The following CSMD1 variants were observed in gnomAD, a reference collection of about 807,000 sequenced individuals.
CSMD1 encodes the protein CUB and sushi domain-containing protein 1.
Under a neutral mutation model 417.5 loss-of-function variants are expected in CSMD1, and 213 were observed. The observed-to-expected ratio is 0.51, with a 90% confidence interval of 0.46 to 0.57. The LOEUF is 0.57. CSMD1 is among the 20% of genes least tolerant of loss of function. The probability of loss-of-function intolerance (pLI) is 0.00; values close to 1 mark genes in which losing one functional copy is unlikely to be tolerated. For missense variants in CSMD1, 6,923 were observed against 4,529.7 expected (o/e 1.53, Z -15.17); for synonymous variants, 2,862 against 1,736.8 (o/e 1.65, Z -16.11).
intron 9 of CSMD1, among the ~76,000 whole-genome samples, chr8:3,583,026 A>G (rs1028468100): frequency 6.6e-6 from 1 of 152,146 alleles, no homozygotes; most frequent in East Asian, 1.9e-4. Context: ...GGAAGTCTTC[A>G]AAGAGGGCTT....
chr8:3,378,613 T>C (rs1055600279), intron 18 of CSMD1, among the ~76,000 whole-genome samples: 1 of 152,164 alleles, frequency 6.6e-6, no homozygotes, highest in African/African-American at 2.4e-5. Context: ...TCAATAAACG[T>C]AATCCATCAC....
chr8:3,361,075 T>C (rs1374076409), intron 20 of CSMD1, among the ~76,000 whole-genome samples: 1 of 152,202 alleles, frequency 6.6e-6, no homozygotes, highest in Non-Finnish European at 1.5e-5. Flanking sequence ...CTAACATTGA[T>C]AACCTTGAGA....
intron 3 of CSMD1, among the ~76,000 whole-genome samples, chr8:4,275,172 T>G (rs923667487): frequency 2.6e-5 from 4 of 152,184 alleles, no homozygotes; most frequent in African/African-American, 9.6e-5. Flanking sequence ...TTACATTTTC[T>G]GGGGTTTTTT....
At chr8:3,140,463 T>C (rs768526090) in intron 41 of CSMD1, among the ~76,000 whole-genome samples, 1 of 152,166 alleles carries the variant, frequency 6.6e-6, no homozygotes, top group African/African-American at 2.4e-5. Context: ...GAGTGTTTCA[T>C]AGAAAAATGC....
At chr8:3,768,950 G>C (rs1329496520) in intron 5 of CSMD1, among the ~76,000 whole-genome samples, 1 of 152,224 alleles carries the variant, frequency 6.6e-6, no homozygotes, top group East Asian at 1.9e-4. Context: ...TGTTCCGATG[G>C]AAGGTGAATG....
At chr8:4,425,807 A>G (rs774315845) in intron 2 of CSMD1, among the ~76,000 whole-genome samples, 1 of 152,132 alleles carries the variant, frequency 6.6e-6, no homozygotes, top group Non-Finnish European at 1.5e-5. Flanking sequence ...TGTCATTCAT[A>G]TTTGATGGTC....
intron 3 of CSMD1, among the ~76,000 whole-genome samples, chr8:4,166,194 T>C (rs141268070): frequency 2.0e-5 from 3 of 152,292 alleles, no homozygotes; most frequent in East Asian, 3.9e-4. Flanking sequence ...AAATGCAAAA[T>C]AGTCAGTTTT....
chr8:2,945,545 T>C (rs147663157), intron 68 of CSMD1, among the ~76,000 whole-genome samples: 4 of 152,238 alleles, frequency 2.6e-5, no homozygotes, highest in African/African-American at 9.6e-5. Flanking sequence ...GTAGAATTAT[T>C]GAGAAACAGA....
chr8:4,757,344 T>C (rs77165937), intron 1 of CSMD1, among the ~76,000 whole-genome samples: 1,601 of 152,316 alleles, frequency 0.011, 13 homozygotes, highest in East Asian at 0.053. Flanking sequence ...TCCTGTGTGC[T>C]AGCTAGGCCC....
chr8:4,567,243 G>A (rs939307120), intron 2 of CSMD1, among the ~76,000 whole-genome samples: 1 of 152,142 alleles, frequency 6.6e-6, no homozygotes, highest in Non-Finnish European at 1.5e-5. Context: ...GTGAGTGAAT[G>A]AATGGTTTCA....
chr8:3,419,710 A>T (rs1813368726), intron 12 of CSMD1, among the ~76,000 whole-genome samples: 2 of 152,254 alleles, frequency 1.3e-5, no homozygotes, highest in Non-Finnish European at 2.9e-5. Flanking sequence ...CAACGTTCTA[A>T]TCAAATACCA....
intron 5 of CSMD1, among the ~76,000 whole-genome samples, chr8:3,761,658 A>C (rs1031585436): frequency 2.0e-5 from 3 of 151,998 alleles, no homozygotes; most frequent in African/African-American, 7.2e-5. Flanking sequence ...GGCACAAACC[A>C]CCACACCTGG....
At chr8:3,399,060 G>C (rs932293189) in intron 16 of CSMD1, among the ~76,000 whole-genome samples, 4 of 152,138 alleles carry the variant, frequency 2.6e-5, no homozygotes, top group Admixed American at 2.6e-4. Flanking sequence ...ATGGGACCCA[G>C]AGTGGTTTCC....
intron 2 of CSMD1, among the ~76,000 whole-genome samples, chr8:4,560,896 G>A (rs927978083): frequency 6.6e-6 from 1 of 152,152 alleles, no homozygotes; most frequent in South Asian, 2.1e-4. Context: ...TTCCTCCTAG[G>A]ACTCAAACAG....
At chr8:3,227,500 G>A (rs1347327770) in intron 27 of CSMD1, among the ~76,000 whole-genome samples, 1 of 152,098 alleles carries the variant, frequency 6.6e-6, no homozygotes, top group Non-Finnish European at 1.5e-5. Context: ...CAACATGAGT[G>A]CTCATTGAAG....
At chr8:4,170,416 A>G (rs1797705929) in intron 3 of CSMD1, among the ~76,000 whole-genome samples, 1 of 151,948 alleles carries the variant, frequency 6.6e-6, no homozygotes, top group African/African-American at 2.4e-5. Context: ...ATGCATGTAT[A>G]CCTTGAATTT....
intron 49 of CSMD1, among the ~76,000 whole-genome samples, chr8:3,081,091 T>C (rs1814063361): frequency 6.6e-6 from 1 of 152,228 alleles, no homozygotes; most frequent in Admixed American, 6.5e-5. Flanking sequence ...GCAGGGTATT[T>C]TGCCCGGGTC....
intron 2 of CSMD1, among the ~76,000 whole-genome samples, chr8:4,457,764 C>A (rs921948062): frequency 6.6e-6 from 1 of 152,174 alleles, no homozygotes; most frequent in Admixed American, 6.5e-5. Flanking sequence ...TAGGACACCT[C>A]TTCACTGGCT....
chr8:3,833,484 C>T (rs909113336), intron 5 of CSMD1, among the ~76,000 whole-genome samples: 22 of 152,044 alleles, frequency 1.4e-4, no homozygotes, highest in African/African-American at 5.3e-4. Flanking sequence ...TATTTTCCTA[C>T]TATAACAAAG....
Sources: allele counts gnomAD v4.1 joint callset (sites outside exome capture counted in the v4.1 genomes callset), GRCh38; gene constraint gnomAD v4.1.1; transcripts MANE v1.5; gene names NCBI Gene and HGNC (gene_info 2026-07-23, HGNC 2026-07-21).